Variants in CPLX2 observed in about 807,000 individuals in gnomAD.
The protein encoded by CPLX2 is complexin 2.
A neutral mutation model predicts 16.3 loss-of-function variants in CPLX2; 5 were observed. The observed-to-expected ratio is 0.31, with a 90% confidence interval of 0.16 to 0.64. The LOEUF (loss-of-function observed/expected upper bound fraction) is 0.64, where lower values mean the gene tolerates loss of function less well. Ranked by LOEUF, CPLX2 falls within the 30% of genes least tolerant of loss-of-function variation. The pLI is 0.79. For missense variants in CPLX2, 144 were observed against 181.4 expected, an observed-to-expected ratio of 0.79 and a Z score of 1.18; for synonymous variants, 89 against 73.2, an observed-to-expected ratio of 1.22 and a Z score of -1.10.
chr5:175,796,742 C>G (rs1443853087), exon 1 of CPLX2: 2 of 152,350 alleles, frequency 1.3e-5, no homozygotes, highest in East Asian at 3.9e-4. Context: ...AACCTCGGCC[C>G]GGGCGCCCTC....
chr5:175,807,440 G>T (rs1054842856), intron 1 of CPLX2, among the ~76,000 whole-genome samples: 3 of 152,182 alleles, frequency 2.0e-5, no homozygotes, highest in African/African-American at 7.2e-5. Context: ...CCCACCTAAG[G>T]ACAGGGAAGA....
At chr5:175,838,741 G>T (rs1465905278) in intron 2 of CPLX2, among the ~76,000 whole-genome samples, 1 of 152,100 alleles carries the variant, frequency 6.6e-6, no homozygotes, top group African/African-American at 2.4e-5. Flanking sequence ...GGGAATGAGG[G>T]GACCCAGGCA....
intron 2 of CPLX2, among the ~76,000 whole-genome samples, chr5:175,838,799 C>T (rs1427456233): frequency 6.6e-6 from 1 of 152,224 alleles, no homozygotes; most frequent in East Asian, 1.9e-4. Context: ...CATCTTCACT[C>T]TAACTTTCTT....
rs1170147936 is a variant in CPLX2, at chr5:175,849,559, G to C, written c.-88-29093G>C. On this transcript the variant is annotated intron_variant, in intron 2 of 4. Transcript: ENST00000359546. This position sits in a 1 kb window ranked among gnomAD's most constrained non-coding sequence, Gnocchi z 4.4. ...ATAAGCAGAGACTCTCCCTGCACAA[G>C]GGGGTGCTACCACGCTGGACAGGGG... 1.3e-5 allele frequency among the ~76,000 whole-genome samples: 2 copies of C among 152,232 alleles called. No homozygotes were observed. Among genetic ancestry groups the C allele is most frequent in the African/African-American group, 4.8e-5 (2 of 41,472 alleles).
At chr5:175,851,296 G>A (rs988968717) in intron 2 of CPLX2, among the ~76,000 whole-genome samples, 1 of 152,118 alleles carries the variant, frequency 6.6e-6, no homozygotes, top group African/African-American at 2.4e-5. Context: ...GGTCCAGTTG[G>A]GGCCAGGTTG....
At chr5:175,807,032 C>T (rs984587845) in intron 1 of CPLX2, among the ~76,000 whole-genome samples, 1 of 152,144 alleles carries the variant, frequency 6.6e-6, no homozygotes, top group Admixed American at 6.5e-5. Context: ...AAGGTGGTGG[C>T]ATTGCTGTTT....
chr5:175,865,445 G>A (rs747028131), intron 2 of CPLX2, among the ~76,000 whole-genome samples: 4 of 152,176 alleles, frequency 2.6e-5, no homozygotes, highest in Admixed American at 6.5e-5. Context: ...AGAGGCAGTC[G>A]TTCAAGGGAC....
At chr5:175,843,278 C>G (rs1473372885) in intron 2 of CPLX2, among the ~76,000 whole-genome samples, 2 of 152,244 alleles carry the variant, frequency 1.3e-5, no homozygotes, top group African/African-American at 4.8e-5. Context: ...GATGGGGCCT[C>G]AAAGCAGTAG....
intron 2 of CPLX2, among the ~76,000 whole-genome samples, chr5:175,828,497 TG>T (rs1346236919): frequency 6.6e-6 from 1 of 152,190 alleles, no homozygotes; most frequent in African/African-American, 2.4e-5. Flanking sequence ...ACAAATAGAC[TG>T]CCGTATAAGC....
intron 3 of CPLX2, 50 bp downstream of exon 3, chr5:175,879,133 A>C (rs1485741511): frequency 6.6e-7 from 1 of 1,523,076 alleles, no homozygotes; most frequent in Admixed American, 2.0e-5. Flanking sequence ...AGCGGGTAAA[A>C]CCGGTCCAGC....
intron 2 of CPLX2, among the ~76,000 whole-genome samples, chr5:175,817,279 G>A (rs2382121): frequency 0.76 from 115,843 of 152,194 alleles, 44,292 homozygotes; most frequent in East Asian, 0.93. Context: ...TAGTAAGTCA[G>A]CTTCCTACCT....
At chr5:175,850,887 C>G (rs550473946) in intron 2 of CPLX2, among the ~76,000 whole-genome samples, 6 of 152,000 alleles carry the variant, frequency 3.9e-5, no homozygotes, top group African/African-American at 1.4e-4. Flanking sequence ...GGCAGAGACA[C>G]AACTAGGAGG....
Position 175,880,900 on chromosome 5 carries a change from G to C in CPLX2, c.*855G>C, listed in dbSNP as rs1755575489. On this transcript the variant is annotated 3_prime_UTR_variant, in exon 4 of 4. Transcript: ENST00000393745. The stretch of plus-strand genomic sequence containing the variant: ...GGAACACCTCCATTGGTGTGGCCAA[G>C]CTGCCCCCATTCCTATCCACCCCTC... 1.3e-5 allele frequency: 2 copies of C among 152,726 alleles called. No individual in the cohort carries two copies. Among genetic ancestry groups the C allele is most frequent in the African/African-American group, 2.4e-5 (1 of 41,442 alleles). 9.5% of individuals were successfully genotyped at this position (152,726 alleles called of 1,614,324 possible). A position where few individuals can be genotyped will look rare whatever the true frequency, so the allele number is the denominator to read the frequency against.
chr5:175,854,452 G>C (rs1252995268), intron 2 of CPLX2, among the ~76,000 whole-genome samples: 2 of 152,146 alleles, frequency 1.3e-5, no homozygotes, highest in Non-Finnish European at 1.5e-5. Context: ...ACCTTTCTGA[G>C]CCTCAGTTTG....
chr5:175,879,004 A>T lies in CPLX2; in HGVS notation c.128A>T (p.Gln43Leu). The change falls in exon 3 of 4, where the codon CAG (glutamine) becomes CTG (leucine). Residue 43 changes from glutamine (Q) to leucine (L), a missense_variant. Transcript: ENST00000393745. ...GAGGAGCGGCAGGAGGCGCTGCGGCAGCAGGAGGAGGAGCGTAAGGCCAAG... is the reference window on the plus strand; with the variant it reads ...GAGGAGCGGCAGGAGGCGCTGCGGCTGCAGGAGGAGGAGCGTAAGGCCAAG... ...KEEERQEALR[Q>L]QEEERKAKHA... The T allele has an allele frequency of 3.1e-6, 5 of 1,597,370 alleles. No homozygotes were observed. Among genetic ancestry groups the T allele is most frequent in the Non-Finnish European group, 3.4e-6 (4 of 1,172,360 alleles).
At chr5:175,854,933 A>C (rs1759225316) in intron 2 of CPLX2, among the ~76,000 whole-genome samples, 1 of 152,264 alleles carries the variant, frequency 6.6e-6, no homozygotes, top group Non-Finnish European at 1.5e-5. Flanking sequence ...ATGGCCAGAC[A>C]GACGTCATCT....
intron 2 of CPLX2, among the ~76,000 whole-genome samples, chr5:175,862,550 C>T (rs1319408125): frequency 6.6e-6 from 1 of 152,158 alleles, no homozygotes; most frequent in African/African-American, 2.4e-5. Context: ...GTTGATGGGG[C>T]ACAAGTGGCT....
chr5:175,802,061 T>C (rs1454096279), intron 1 of CPLX2, among the ~76,000 whole-genome samples: 1 of 152,228 alleles, frequency 6.6e-6, no homozygotes, highest in African/African-American at 2.4e-5. Context: ...TTTTGTCCCA[T>C]CATTGCATCC....
chr5:175,850,960 AG>A (rs1285261173), intron 2 of CPLX2, among the ~76,000 whole-genome samples: 8 of 54,474 alleles, frequency 1.5e-4, no homozygotes, highest in African/African-American at 2.5e-4. Flanking sequence ...GGGAGGTGGT[AG>A]GGGCAGAGAG....
Sources: allele counts gnomAD v4.1 joint callset (sites outside exome capture counted in the v4.1 genomes callset), GRCh38; gene constraint gnomAD v4.1.1; non-coding constraint Gnocchi (gnomAD v3.1); transcripts MANE v1.5; gene names NCBI Gene and HGNC (gene_info 2026-07-23, HGNC 2026-07-21).